The following PDE3A variants were observed in gnomAD, a reference collection of about 807,000 sequenced individuals.
PDE3A encodes phosphodiesterase 3A, also known as cGMP-inhibited 3',5'-cyclic phosphodiesterase 3A.
In PDE3A, 43 loss-of-function variants were observed where a neutral mutation model predicts 98.3. The ratio of observed to expected loss-of-function variants is 0.44; its 90% CI spans 0.34 to 0.56. The LOEUF is 0.56. PDE3A is among the 20% of genes least tolerant of loss of function. The pLI, the probability that PDE3A is intolerant of heterozygous loss-of-function variation, is 0.01. For missense variants in PDE3A, 1,427 were observed against 1,440.7 expected (o/e 0.99, Z 0.15); for synonymous variants, 663 against 567.9 (o/e 1.17, Z -2.38).
intron 3 of PDE3A, among the ~76,000 whole-genome samples, chr12:20,614,628 T>C (rs1372552853): frequency 2.0e-5 from 3 of 152,144 alleles, no homozygotes; most frequent in Non-Finnish European, 2.9e-5. Context: ...AGAGATTAAC[T>C]GGTTCCTTCA....
At chr12:20,585,764 C>G (rs1246786535) in intron 2 of PDE3A, among the ~76,000 whole-genome samples, 1 of 151,950 alleles carries the variant, frequency 6.6e-6, no homozygotes, top group Non-Finnish European at 1.5e-5. Flanking sequence ...TTTTATTTTT[C>G]ACTCTTTTGC....
intron 2 of PDE3A, among the ~76,000 whole-genome samples, chr12:20,592,053 T>TATA (rs781736945): frequency 1.3e-5 from 2 of 152,170 alleles, no homozygotes; most frequent in African/African-American, 2.4e-5. Flanking sequence ...ACGATTAACA[T>TATA]ATAATTTTCA....
intron 2 of PDE3A, among the ~76,000 whole-genome samples, chr12:20,597,412 G>A (rs1395317764): frequency 2.0e-5 from 3 of 152,120 alleles, no homozygotes; most frequent in Non-Finnish European, 4.4e-5. Flanking sequence ...TGAGGGAAAT[G>A]CTATATTATA....
Position 20,623,686 on chromosome 12 carries a change from G to T in PDE3A, c.1540+2275G>T, listed in dbSNP as rs557007526. On this transcript the variant is annotated intron_variant, in intron 5 of 15. Coordinates refer to ENST00000359062, the MANE Select transcript of PDE3A (RefSeq NM_000921.5). ...TGGATATATTCTAGAAAGAATATAT[G>T]ATGGATATATTCTAGAAAGAATATA... Among the ~76,000 whole-genome samples, 198 of 149,892 alleles carry T rather than the reference G, an allele frequency of 1.3e-3. 1 individual carries two copies. The highest frequency in any genetic ancestry group is 3.6e-3 in the Middle Eastern group (1 of 278).
chr12:20,607,575 A>G (rs1943743598), intron 2 of PDE3A, among the ~76,000 whole-genome samples: 1 of 152,132 alleles, frequency 6.6e-6, no homozygotes, highest in Non-Finnish European at 1.5e-5. Context: ...CACATTTTCT[A>G]TTTAAAGGTG....
At chr12:20,636,874 T>C (rs1944526554) in intron 8 of PDE3A, among the ~76,000 whole-genome samples, 1 of 152,184 alleles carries the variant, frequency 6.6e-6, no homozygotes, top group Admixed American at 6.5e-5. Flanking sequence ...GGCAAGCACC[T>C]AATAGTGCAA....
intron 2 of PDE3A, among the ~76,000 whole-genome samples, chr12:20,559,251 A>G (rs79312133): frequency 0.11 from 16,956 of 152,076 alleles, 1,121 homozygotes; most frequent in East Asian, 0.22. Flanking sequence ...GTAGCCTAGT[A>G]ACAATAGGCT....
At chr12:20,582,136 A>G (rs1401176138) in intron 2 of PDE3A, among the ~76,000 whole-genome samples, 3 of 152,144 alleles carry the variant, frequency 2.0e-5, no homozygotes, top group Admixed American at 6.5e-5. Context: ...CTCCAAATTA[A>G]GAACTAAGGA....
At chr12:20,377,041 G>T (rs1334229956) in intron 1 of PDE3A, among the ~76,000 whole-genome samples, 1 of 151,656 alleles carries the variant, frequency 6.6e-6, no homozygotes, top group South Asian at 2.1e-4. Flanking sequence ...CTGGTTACAG[G>T]GGGCACATAT....
chr12:20,597,185 C>A (rs1943485756), intron 2 of PDE3A, among the ~76,000 whole-genome samples: 1 of 152,166 alleles, frequency 6.6e-6, no homozygotes, highest in Non-Finnish European at 1.5e-5. Flanking sequence ...GTGTATTACA[C>A]CTACCTGCCC....
intron 4 of PDE3A, among the ~76,000 whole-genome samples, chr12:20,620,875 A>T (rs1944116711): frequency 6.6e-6 from 1 of 152,178 alleles, no homozygotes; most frequent in Admixed American, 6.5e-5. Flanking sequence ...TTGAATACAG[A>T]TCCACCAAAA....
chr12:20,444,956 C>T (rs753648077), intron 1 of PDE3A, among the ~76,000 whole-genome samples: 1 of 152,140 alleles, frequency 6.6e-6, no homozygotes. Flanking sequence ...GGAGCCTACG[C>T]GGGATCAGTA....
At chr12:20,629,003 AATTTC>A (rs1321955480) in intron 5 of PDE3A, among the ~76,000 whole-genome samples, 1 of 152,188 alleles carries the variant, frequency 6.6e-6, no homozygotes, top group Non-Finnish European at 1.5e-5. Context: ...GACTTTTAAT[AATTTC>A]ATTTCATTTG....
intron 1 of PDE3A, among the ~76,000 whole-genome samples, chr12:20,422,318 TG>T (rs759196327): frequency 3.6e-4 from 54 of 151,638 alleles, no homozygotes; most frequent in Non-Finnish European, 6.3e-4. Context: ...CACTCCAGCC[TG>T]GGCAACAGAG....
chr12:20,580,589 T>C (rs1025179518), intron 2 of PDE3A, among the ~76,000 whole-genome samples: 4 of 152,218 alleles, frequency 2.6e-5, no homozygotes, highest in Admixed American at 6.5e-5. Context: ...ACTGTGATCA[T>C]AGCAATCAAT....
intron 1 of PDE3A, among the ~76,000 whole-genome samples, chr12:20,467,933 C>CAAAAA (rs60320142): frequency 8.4e-5 from 3 of 35,676 alleles, no homozygotes; most frequent in East Asian, 1.8e-3. Context: ...GACTCCTTCT[C>CAAAAA]AAAAAAAAAA....
intron 1 of PDE3A, among the ~76,000 whole-genome samples, chr12:20,373,367 G>A (rs906063440): frequency 6.6e-6 from 1 of 151,990 alleles, no homozygotes; most frequent in Admixed American, 6.6e-5. Flanking sequence ...CCCTCGGCCC[G>A]AAACATGGGA....
intron 1 of PDE3A, among the ~76,000 whole-genome samples, chr12:20,484,914 G>T (rs1177713539): frequency 6.6e-6 from 1 of 151,942 alleles, no homozygotes; most frequent in Non-Finnish European, 1.5e-5. Flanking sequence ...GTTGATGGGT[G>T]GTGAATTTGG....
chr12:20,529,892 C>G (rs541107806), intron 1 of PDE3A, among the ~76,000 whole-genome samples: 26 of 152,298 alleles, frequency 1.7e-4, no homozygotes, highest in Admixed American at 1.0e-3. Context: ...GTCTGGAACC[C>G]AGTTTAATTC....
Sources: gnomAD v4.1 joint callset for allele counts (sites outside exome capture counted in the v4.1 genomes callset) on GRCh38, gnomAD v4.1.1 for gene constraint, MANE v1.5 for transcripts, NCBI Gene and HGNC (gene_info 2026-07-23, HGNC 2026-07-21) for gene names.